The following PRKCA variants were observed in gnomAD, a reference collection of about 807,000 sequenced individuals.
PRKCA encodes the protein protein kinase C alpha type.
A neutral mutation model predicts 87.0 loss-of-function variants in PRKCA; 27 were observed. The observed-to-expected ratio is 0.31, with a 90% CI of 0.23 to 0.43. The LOEUF is 0.43. Among genes scored for constraint, PRKCA ranks in the 20% least tolerant of loss-of-function variants. The pLI is 1.00. For synonymous variants in PRKCA, 329 were observed against 311.1 expected, an observed-to-expected ratio of 1.06 and a Z score of -0.61; for missense variants, 518 against 852.3, an observed-to-expected ratio of 0.61 and a Z score of 4.88.
At chr17:66,405,564 C>T (rs897507408) in intron 2 of PRKCA, among the ~76,000 whole-genome samples, 3 of 152,124 alleles carry the variant, frequency 2.0e-5, no homozygotes, top group African/African-American at 7.2e-5. Flanking sequence ...AAAAAAAAAC[C>T]AACCCTTGTG....
chr17:66,506,982 G>C (rs1917007768), intron 3 of PRKCA, among the ~76,000 whole-genome samples: 1 of 152,222 alleles, frequency 6.6e-6, no homozygotes, highest in South Asian at 2.1e-4. Context: ...AGAGTTGGAA[G>C]ATCCACGGCA....
At chr17:66,701,218 G>T (rs1375107589) in intron 8 of PRKCA, among the ~76,000 whole-genome samples, 1 of 152,086 alleles carries the variant, frequency 6.6e-6, no homozygotes, top group Non-Finnish European at 1.5e-5. Flanking sequence ...TTGAATAAAA[G>T]GTGTTGGGAA....
At chr17:66,746,436 T>C (rs1427125204) in intron 13 of PRKCA, among the ~76,000 whole-genome samples, 1 of 152,072 alleles carries the variant, frequency 6.6e-6, no homozygotes, top group East Asian at 1.9e-4. Flanking sequence ...TTTCAAAATG[T>C]GTGGAAAGGT....
chr17:66,568,264 AGATGGCACCACTG>A (rs1968958425), intron 3 of PRKCA, among the ~76,000 whole-genome samples: 1 of 152,218 alleles, frequency 6.6e-6, no homozygotes, highest in Non-Finnish European at 1.5e-5. Flanking sequence ...CAGTGAGCTG[AGATGGCACCACTG>A]CACTCCAGCC....
intron 13 of PRKCA, among the ~76,000 whole-genome samples, chr17:66,772,822 C>A (rs371794935): frequency 9.2e-5 from 14 of 152,300 alleles, no homozygotes; most frequent in Middle Eastern, 3.4e-3. Flanking sequence ...CCAATTTCAA[C>A]AGCTGCCAGC....
At chr17:66,551,672 C>T (rs889871892) in intron 3 of PRKCA, among the ~76,000 whole-genome samples, 2 of 152,114 alleles carry the variant, frequency 1.3e-5, no homozygotes, top group Non-Finnish European at 2.9e-5. Context: ...ACTTAAGTAC[C>T]AGGACAGGGG....
rs569875126 is a variant in PRKCA, at chr17:66,617,341, A to G, written c.289-24014A>G. Among the ~76,000 whole-genome samples the G allele has an allele frequency of 1.2e-4, 18 of 152,190 alleles. No individual in the cohort carries two copies. In the South Asian group the frequency reaches 3.5e-3, roughly 30 times the overall value. ...GTTGGCTGGTTTGAAGCCTCACTTT[A>G]TTCTTCAGAAGGGCCTTGGTCTGTC... On this transcript the variant is annotated intron_variant, in intron 3 of 16. Coordinates refer to ENST00000413366, the MANE Select transcript of PRKCA (RefSeq NM_002737.3).
chr17:66,552,112 A>G (rs370252278), intron 3 of PRKCA, among the ~76,000 whole-genome samples: 1 of 152,138 alleles, frequency 6.6e-6, no homozygotes, highest in African/African-American at 2.4e-5. Flanking sequence ...AGTCTGGGCA[A>G]CATGACAAAA....
rs141883087 is a variant in PRKCA at position 66,679,754 on chromosome 17, C to T, written c.530-7357C>T. Reference sequence around the variant, plus strand: ...TCCTAGCTGAGGCTGACTTCACCACCTCTTCTCTGGGACTTTGTCTTGCTC... The same window carrying T: ...TCCTAGCTGAGGCTGACTTCACCACTTCTTCTCTGGGACTTTGTCTTGCTC... On this transcript the variant is annotated intron_variant, in intron 5 of 16. Coordinates refer to ENST00000413366, the MANE Select transcript of PRKCA (RefSeq NM_002737.3). Among the ~76,000 whole-genome samples the T allele has an allele frequency of 4.1e-3, 628 of 152,354 alleles. 5 individuals are homozygous for T. The highest frequency in any genetic ancestry group is 0.014 in the African/African-American group (588 of 41,578).
At chr17:66,312,169 A>G (rs1232019960) in intron 2 of PRKCA, among the ~76,000 whole-genome samples, 2 of 152,102 alleles carry the variant, frequency 1.3e-5, no homozygotes, top group Non-Finnish European at 2.9e-5. Flanking sequence ...TTTAGTAGAG[A>G]CGGAGTTTCA....
At chr17:66,496,395 A>G (rs890538655) in intron 3 of PRKCA, 112 bp downstream of exon 3, 14 of 848,370 alleles carry the variant, frequency 1.7e-5, no homozygotes, top group Non-Finnish European at 2.3e-5. Context: ...GGAAGACTCA[A>G]TTCTCATAGA....
At chr17:66,456,965 G>C (rs939512990) in intron 2 of PRKCA, among the ~76,000 whole-genome samples, 1 of 152,178 alleles carries the variant, frequency 6.6e-6, no homozygotes, top group Non-Finnish European at 1.5e-5. Context: ...TGCTTCTTCT[G>C]TACATGAATG....
At chr17:66,673,729 A>G (rs1290056667) in intron 5 of PRKCA, among the ~76,000 whole-genome samples, 1 of 152,206 alleles carries the variant, frequency 6.6e-6, no homozygotes, top group Non-Finnish European at 1.5e-5. Context: ...CCAGTCAAAA[A>G]TTGTTCATCG....
chr17:66,632,613 C>G (rs1441548111), intron 3 of PRKCA, among the ~76,000 whole-genome samples: 1 of 152,042 alleles, frequency 6.6e-6, no homozygotes, highest in Non-Finnish European at 1.5e-5. Context: ...CTCCTGAGCT[C>G]AAACGATCCT....
intron 8 of PRKCA, among the ~76,000 whole-genome samples, chr17:66,730,388 TG>T (rs1478545241): frequency 6.6e-6 from 1 of 152,100 alleles, no homozygotes; most frequent in Non-Finnish European, 1.5e-5. Flanking sequence ...AATAAGAGGG[TG>T]GCTACTCCAT....
chr17:66,475,031 C>T (rs1915481679), intron 2 of PRKCA, among the ~76,000 whole-genome samples: 1 of 152,186 alleles, frequency 6.6e-6, no homozygotes, highest in Non-Finnish European at 1.5e-5. Flanking sequence ...CAGGGACAAA[C>T]AGAACAAGCT....
rs544401127 is a variant in PRKCA, at chr17:66,664,046, T to G, written c.529+18535T>G. Among the ~76,000 whole-genome samples, 5 of 152,148 alleles carry G rather than the reference T, an allele frequency of 3.3e-5. No homozygotes were observed. The South Asian group carries it at 1.0e-3, about 32-fold the overall frequency. ...CCACGCCCTGCTAATTTTTGTATTT[T>G]TAGTAGAGATAGGGTTTCGCCATGT... On this transcript the variant is annotated intron_variant, in intron 5 of 16. Transcript: ENST00000413366.
chr17:66,328,756 C>G (rs1215127255), intron 2 of PRKCA, among the ~76,000 whole-genome samples: 1 of 152,156 alleles, frequency 6.6e-6, no homozygotes, highest in Non-Finnish European at 1.5e-5. Flanking sequence ...TGAGATGGTG[C>G]CACTGCACTC....
intron 13 of PRKCA, among the ~76,000 whole-genome samples, chr17:66,765,430 A>ATC (rs1568020939): frequency 7.6e-5 from 10 of 130,878 alleles, no homozygotes; most frequent in Admixed American, 1.5e-4. Flanking sequence ...ATATATATAT[A>ATC]TATATATATA....
Sources: gnomAD v4.1 joint callset for allele counts (sites outside exome capture counted in the v4.1 genomes callset) on GRCh38, gnomAD v4.1.1 for gene constraint, MANE v1.5 for transcripts, NCBI Gene and HGNC (gene_info 2026-07-23, HGNC 2026-07-21) for gene names.